Variants in EXT2 observed in about 807,000 individuals in gnomAD.
EXT2 encodes exostosin glycosyltransferase 2, also known as exostosin-2.
EXT2 carries 53 observed loss-of-function variants against 81.6 expected under a neutral mutation model. That is an observed-to-expected ratio of 0.65 (90% CI 0.52 to 0.82). The LOEUF is 0.82. EXT2 is among the 40% of genes least tolerant of loss of function. The pLI, the probability that EXT2 is intolerant of heterozygous loss-of-function variation, is 0.00. For missense variants in EXT2, 774 were observed against 910.2 expected, an observed-to-expected ratio of 0.85 and a Z score of 1.93; for synonymous variants, 320 against 340.0, an observed-to-expected ratio of 0.94 and a Z score of 0.65.
At chr11:44,234,750 C>T (rs1955941545) in intron 12 of EXT2, among the ~76,000 whole-genome samples, 1 of 152,118 alleles carries the variant, frequency 6.6e-6, no homozygotes. Context: ...GCTGAGAATA[C>T]ACAAAGATCC....
chr11:44,247,243 C>CCTTTTTTTTTTTTTTTTTTTTTTT lies in EXT2; in HGVS notation c.*2956_*2957insCTTTTTTTTTTTTTTTTTTTTTTT, dbSNP rs1956102023. Among the ~76,000 whole-genome samples, 1 of 115,182 alleles carries CCTTTTTTTTTTTTTTTTTTTTTTT rather than the reference C, an allele frequency of 8.7e-6. No homozygotes were observed. The allele number at this position is 115,182 out of a possible 152,430, so 75.6% of individuals were successfully genotyped here. ...CCTGCCAGTGATGCTCTGCTGTATC[C>CCTTTTTTTTTTTTTTTTTTTTTTT]TTTTTTTTTTTTTTTTTTTTGAGAC... is the stretch of plus-strand genomic sequence containing the variant. On this transcript the variant is annotated 3_prime_UTR_variant, in exon 14 of 14. Coordinates refer to ENST00000533608, the MANE Select transcript of EXT2 (RefSeq NM_207122.2).
intron 10 of EXT2, among the ~76,000 whole-genome samples, chr11:44,215,771 G>A (rs1955710352): frequency 6.6e-6 from 1 of 151,998 alleles, no homozygotes; most frequent in African/African-American, 2.4e-5. Flanking sequence ...TTTACTATAT[G>A]AGAATCAAAG....
At chr11:44,128,181 C>T (rs2135024006) in intron 6 of EXT2, among the ~76,000 whole-genome samples, 1 of 152,186 alleles carries the variant, frequency 6.6e-6, no homozygotes, top group Middle Eastern at 3.4e-3. Flanking sequence ...ATTGGAAACC[C>T]TCTTGTGAGT....
At chr11:44,106,913 GCCAC>G (rs1954063799) in intron 1 of EXT2, among the ~76,000 whole-genome samples, 1 of 152,188 alleles carries the variant, frequency 6.6e-6, no homozygotes, top group East Asian at 1.9e-4. Context: ...ATAGACGTGA[GCCAC>G]CGCACATGGC....
chr11:44,174,175 G>A (rs996672539), intron 8 of EXT2, among the ~76,000 whole-genome samples: 13 of 152,116 alleles, frequency 8.5e-5, no homozygotes, highest in South Asian at 2.1e-4. Context: ...TATCTTTGTC[G>A]AGTTTTCTCA....
chr11:44,171,889 G>T, intron 8 of EXT2, 147 bp downstream of exon 8: 1 of 1,235,596 alleles, frequency 8.1e-7, no homozygotes, highest in South Asian at 1.2e-5. Flanking sequence ...CCTGATAAGG[G>T]CAGCATAATT....
chr11:44,230,762 A>G (rs143102573), intron 10 of EXT2, among the ~76,000 whole-genome samples: 13 of 152,264 alleles, frequency 8.5e-5, no homozygotes, highest in African/African-American at 3.1e-4. Context: ...CAGATTTCTA[A>G]CCTCTAGAAC....
At chr11:44,182,666 T>C (rs576824489) in intron 8 of EXT2, among the ~76,000 whole-genome samples, 3 of 152,338 alleles carry the variant, frequency 2.0e-5, no homozygotes, top group East Asian at 1.9e-4. Flanking sequence ...CATGTGTATG[T>C]GTATTTTTTC....
At chr11:44,161,146 A>G (rs1225181372) in intron 7 of EXT2, among the ~76,000 whole-genome samples, 1 of 152,222 alleles carries the variant, frequency 6.6e-6, no homozygotes, top group East Asian at 1.9e-4. Flanking sequence ...TTTAAATATA[A>G]AAAGTGGCTA....
At chr11:44,223,752 G>A (rs533620981) in intron 10 of EXT2, among the ~76,000 whole-genome samples, 7 of 150,128 alleles carry the variant, frequency 4.7e-5, no homozygotes, top group South Asian at 2.1e-4. Context: ...CTGGGTTCAC[G>A]CCATTCCCCT....
At chr11:44,175,208 G>T (rs190243477) in intron 8 of EXT2, among the ~76,000 whole-genome samples, 9 of 152,198 alleles carry the variant, frequency 5.9e-5, no homozygotes, top group Admixed American at 5.9e-4. Context: ...TGGAAAAATG[G>T]ACTGTTCTAA....
At chr11:44,121,188 G>A (rs1018029871) in intron 4 of EXT2, among the ~76,000 whole-genome samples, 4 of 152,220 alleles carry the variant, frequency 2.6e-5, no homozygotes, top group African/African-American at 7.2e-5. Context: ...GTAGCCTGGT[G>A]CTACCACATT....
At chr11:44,149,788 T>C (rs1429551222) in intron 7 of EXT2, among the ~76,000 whole-genome samples, 1 of 152,186 alleles carries the variant, frequency 6.6e-6, no homozygotes, top group Non-Finnish European at 1.5e-5. Context: ...ATGGATGACA[T>C]GTGCTTATAT....
At chr11:44,129,379 C>G (rs1286456359) in intron 6 of EXT2, among the ~76,000 whole-genome samples, 4 of 152,206 alleles carry the variant, frequency 2.6e-5, no homozygotes, top group Non-Finnish European at 5.9e-5. Flanking sequence ...TGTCCCATTT[C>G]TTCTTTCCTG....
rs181526292 is a variant in EXT2 at position 44,184,295 on chromosome 11, C to T, written c.1305+12553C>T. ...ATTTTTTCATGTATCATGATATTTACGCTGGGAAGCCTTGTTTTCCCATGT... is the reference window on the plus strand; with the variant it reads ...ATTTTTTCATGTATCATGATATTTATGCTGGGAAGCCTTGTTTTCCCATGT... On this transcript the variant is annotated intron_variant, in intron 8 of 13. Transcript: ENST00000533608. Among the ~76,000 whole-genome samples, 8 of 152,264 alleles carry T rather than the reference C, an allele frequency of 5.3e-5. No individual in the cohort carries two copies. The East Asian group carries it at 1.2e-3, about 22-fold the overall frequency.
At position 44,143,815 on chromosome 11, in the gene EXT2, G is replaced by A. The variant is rs75357908; in HGVS notation, c.1173+13677G>A. Among the ~76,000 whole-genome samples the A allele has an allele frequency of 4.5e-3, 691 of 152,324 alleles. 8 individuals are homozygous for A. The highest frequency in any genetic ancestry group is 0.016 in the African/African-American group (672 of 41,580). On this transcript the variant is annotated intron_variant, in intron 7 of 13. Transcript: ENST00000533608. ...AGGGCTGCTGTGCTACCTGACTGCTGAGTTAGTATTCATGGCCAAAAGGAA... is the reference window on the plus strand; with the variant it reads ...AGGGCTGCTGTGCTACCTGACTGCTAAGTTAGTATTCATGGCCAAAAGGAA...
intron 7 of EXT2, among the ~76,000 whole-genome samples, chr11:44,136,888 A>G (rs4379834): frequency 0.25 from 38,395 of 152,126 alleles, 6,079 homozygotes; most frequent in Admixed American, 0.43. Flanking sequence ...TGAAGTAGAC[A>G]ACCATGGTTC....
At chr11:44,130,245 C>T in intron 7 of EXT2, 107 bp downstream of exon 7, 1 of 830,320 alleles carries the variant, frequency 1.2e-6, no homozygotes, top group Non-Finnish European at 2.1e-6. Context: ...TTACTTCCTC[C>T]ACTAGATCAA....
intron 3 of EXT2, among the ~76,000 whole-genome samples, chr11:44,113,202 G>A (rs1954171233): frequency 6.6e-6 from 1 of 152,202 alleles, no homozygotes. Context: ...GGGGTGGTTT[G>A]AAAATCTTTG....
Sources: gnomAD v4.1 joint callset for allele counts (sites outside exome capture counted in the v4.1 genomes callset) on GRCh38, gnomAD v4.1.1 for gene constraint, MANE v1.5 for transcripts, NCBI Gene and HGNC (gene_info 2026-07-23, HGNC 2026-07-21) for gene names.